The following SLC25A35 variants were observed in gnomAD, a reference collection of about 807,000 sequenced individuals.
The protein encoded by SLC25A35 is solute carrier family 25 member 35, also known as solute carrier family 25, member 35.
In SLC25A35, 32 loss-of-function variants were observed where a neutral mutation model predicts 30.5. That is an observed-to-expected ratio of 1.05 (90% CI 0.79 to 1.41). The LOEUF is 1.41. Among genes scored for constraint, SLC25A35 ranks in the 40% most tolerant of loss-of-function variants. The pLI is 0.00. For missense variants in SLC25A35, 369 were observed against 388.0 expected, an observed-to-expected ratio of 0.95 and a Z score of 0.41; for synonymous variants, 142 against 158.1, an observed-to-expected ratio of 0.90 and a Z score of 0.77.
chr17:8,290,983 G>T lies in SLC25A35; in HGVS notation c.595-7C>A. The T allele has an allele frequency of 6.2e-7, 1 of 1,613,960 alleles. No individual in the cohort carries two copies. Among genetic ancestry groups the T allele is most frequent in the South Asian group, 1.1e-5 (1 of 91,076 alleles). On this transcript the variant is annotated splice_polypyrimidine_tract_variant and splice_region_variant and intron_variant, in intron 3 of 4. Transcript: ENST00000577745. ...AGCTCTGGGGAGGAAAGATCTAAGG[G>T]GGTAGAGAGGAAGAGCGTTGTCAAC...
Position 8,294,453 on chromosome 17 carries a change from A to G in SLC25A35, c.355T>C (p.Leu119=), listed in dbSNP as rs201115414. The change falls in exon 1 of 5, where the codon TTG becomes CTG. Residue 119 remains leucine (L), a synonymous_variant. Coordinates refer to ENST00000577745, the MANE Select transcript of SLC25A35 (RefSeq NM_001320870.2). ...CTTACCATGTAGATGGGGCTCCCCA[A>G]GTAGGCTCCCATGACCCCAGCCATG... is the stretch of plus-strand genomic sequence containing the variant. The part of the protein sequence containing the change: ...GAMAGVMGAY[L]GSPIYMVKTH... The G allele has an allele frequency of 3.6e-5, 58 of 1,590,358 alleles. No individual in the cohort carries two copies. Among genetic ancestry groups the G allele is most frequent in the Admixed American group, 1.8e-4 (10 of 55,946 alleles).
Position 8,294,497 on chromosome 17 carries a change from C to G in SLC25A35, c.311G>C (p.Arg104Pro), listed in dbSNP as rs771273810. ...HTAEGTHSPA[R>P]SAAAGAMAGV... ...AGCCATGGCCCCAGCTGCTGCGCTG[C>G]GGGCAGGACTGTGGGTGCCTTCGGC... is the stretch of plus-strand genomic sequence containing the variant. The change falls in exon 1 of 5, where the codon CGC (arginine) becomes CCC (proline). Residue 104 changes from arginine to proline, a missense_variant. Transcript: ENST00000577745. 1.2e-6 allele frequency: 2 copies of G among 1,611,372 alleles called. No individual in the cohort carries two copies. The highest frequency in any genetic ancestry group is 1.7e-6 in the Non-Finnish European group (2 of 1,178,930).
At chr17:8,288,748 C>A (rs1990234507), downstream of SLC25A35, 9 of 1,610,084 alleles carry the variant, frequency 5.6e-6, no homozygotes, top group Non-Finnish European at 6.8e-6. Context: ...ATGTGGACTT[C>A]TTTTAAACCT....
intron 2 of SLC25A35, among the ~76,000 whole-genome samples, chr17:8,292,231 G>A (rs763479011): frequency 8.6e-5 from 13 of 151,794 alleles, no homozygotes; most frequent in Non-Finnish European, 1.5e-4. Flanking sequence ...GGTGGTGCAC[G>A]CCTGTAGTCC....
At chr17:8,293,588 C>G (rs112771532) in intron 1 of SLC25A35, among the ~76,000 whole-genome samples, 3,868 of 144,522 alleles carry the variant, frequency 0.027, 184 homozygotes, top group African/African-American at 0.089. Context: ...GTCTCTCTCT[C>G]TGGCCCAGGC....
In SLC25A35 at chr17:8,294,823, G is replaced by A. The variant is rs777578068; in HGVS notation, c.-16C>T. On this transcript the variant is annotated 5_prime_UTR_variant, in exon 1 of 5. Coordinates refer to ENST00000577745, the MANE Select transcript of SLC25A35 (RefSeq NM_001320870.2). ...AGAAGTCCATGGTGGGATAGCTGTA[G>A]CAGGAACTGACCCAAGAGTAAGAAA... 2 of 1,551,960 alleles carry A rather than the reference G, an allele frequency of 1.3e-6. No homozygotes were observed. The highest frequency in any genetic ancestry group is 1.4e-5 in the African/African-American group (1 of 72,772).
downstream of SLC25A35, chr17:8,289,749 A>T: frequency 6.2e-7 from 1 of 1,613,844 alleles, no homozygotes; most frequent in Non-Finnish European, 8.5e-7. Context: ...GGGAACAGGA[A>T]TTGGCAATTT....
At position 8,290,354 on chromosome 17, in the gene SLC25A35, A is replaced by G; in HGVS notation, c.*151T>C. ...GAAAGAAGGGAAACTCATCTCTTGT[A>G]GTGATTCAACCCTGAGAACAGATGG... On this transcript the variant is annotated 3_prime_UTR_variant, in exon 5 of 5. Transcript: ENST00000577745. The G allele has an allele frequency of 6.9e-7, 1 of 1,441,298 alleles. No homozygotes were observed. Among genetic ancestry groups the G allele is most frequent in the Non-Finnish European group, 9.1e-7 (1 of 1,103,086 alleles). 89.3% of individuals were successfully genotyped at this position (1,441,298 alleles called of 1,614,324 possible).
At chr17:8,293,393 A>T (rs1430343738) in intron 1 of SLC25A35, among the ~76,000 whole-genome samples, 1 of 152,134 alleles carries the variant, frequency 6.6e-6, no homozygotes, top group Non-Finnish European at 1.5e-5. Flanking sequence ...AAATGCTACC[A>T]AATGCTTACT....
At chr17:8,293,109 C>T (rs1056123757) in intron 1 of SLC25A35, among the ~76,000 whole-genome samples, 6 of 152,196 alleles carry the variant, frequency 3.9e-5, no homozygotes, top group African/African-American at 1.4e-4. Flanking sequence ...ACAGGACATA[C>T]TACTTCCCCG....
At chr17:8,293,915 C>CTTT (rs3033784) in intron 1 of SLC25A35, among the ~76,000 whole-genome samples, 1 of 132,380 alleles carries the variant, frequency 7.6e-6, no homozygotes, top group African/African-American at 2.9e-5. Context: ...AGCCCATAAT[C>CTTT]TTTTTTTTTT....
In SLC25A35 at chr17:8,291,449, G is replaced by A. The variant is rs754367366; in HGVS notation, c.478C>T (p.His160Tyr). The change falls in exon 3 of 5, where the codon CAT (histidine) becomes TAT (tyrosine). Residue 160 changes from histidine to tyrosine, a missense_variant. Transcript: ENST00000577745. ...CCACGCCATAACCCCACCAGACCATGTTTCTGGCCAATCTCGGTTAGCGCC... is the reference window on the plus strand; with the variant it reads ...CCACGCCATAACCCCACCAGACCATATTTCTGGCCAATCTCGGTTAGCGCC... ...FQALTEIGQKHGLVGLWRGAL... is the reference protein window; with the variant it reads ...FQALTEIGQKYGLVGLWRGAL... 7.4e-6 allele frequency: 12 copies of A among 1,614,088 alleles called. No individual in the cohort carries two copies. In the East Asian group the frequency reaches 2.5e-4, roughly 33 times the overall value.
downstream of SLC25A35, chr17:8,288,339 G>T: frequency 4.9e-6 from 1 of 203,434 alleles, no homozygotes; most frequent in Non-Finnish European, 1.0e-5. Flanking sequence ...CACTCAAGAG[G>T]CTGAGGCAGG....
rs1229155185 is a variant in SLC25A35 at position 8,291,364 on chromosome 17, G to C, written c.563C>G (p.Ser188Ter). 1.2e-6 allele frequency: 2 copies of C among 1,614,092 alleles called. No individual in the cohort carries two copies. The highest frequency in any genetic ancestry group is 1.7e-6 in the Non-Finnish European group (2 of 1,180,048). The change falls in exon 3 of 5, where the codon TCA becomes TGA. Residue 188 changes from serine (S) to a stop codon, truncating the protein, a stop_gained. Coordinates refer to ENST00000577745, the MANE Select transcript of SLC25A35 (RefSeq NM_001320870.2). LOFTEE classifies it high-confidence loss of function. ...VGSSTQLCTF[S>*]STKDLLSQWE... is the part of the protein sequence containing the mutation. ...CTGGCTCAGGAGGTCCTTGGTGGAT[G>C]AGAAGGTGCACAGCTGGGTGGAGGA...
chr17:8,294,927 A>G lies in SLC25A35; in HGVS notation c.-120T>C. 6.8e-7 allele frequency: 1 copy of G among 1,470,098 alleles called. No homozygotes were observed. Among genetic ancestry groups the G allele is most frequent in the Non-Finnish European group, 9.0e-7 (1 of 1,116,538 alleles). 91.1% of individuals were successfully genotyped at this position (1,470,098 alleles called of 1,614,324 possible). Reference sequence around the variant, plus strand: ...AGCAGTACAGGTTGCAGAAGATAAGAATTTAGATTTGCAGTCAAGGGTGTC... The same window carrying G: ...AGCAGTACAGGTTGCAGAAGATAAGGATTTAGATTTGCAGTCAAGGGTGTC... On this transcript the variant is annotated 5_prime_UTR_variant, in exon 1 of 5. Transcript: ENST00000577745.
At chr17:8,292,795 T>C (rs1990599788) in intron 1 of SLC25A35, among the ~76,000 whole-genome samples, 1 of 152,158 alleles carries the variant, frequency 6.6e-6, no homozygotes, top group South Asian at 2.1e-4. Context: ...CTCCCAGCAC[T>C]GCAAGACACC....
In SLC25A35 at chr17:8,294,753, G is replaced by C. The variant is rs1990751841; in HGVS notation, c.55C>G (p.Pro19Ala). The change falls in exon 1 of 5, where the codon CCC becomes GCC. Residue 19 changes from proline (P) to alanine (A), a missense_variant. Physicochemically the swap from Pro to Ala is conservative, Grantham distance 27. Coordinates refer to ENST00000577745, the MANE Select transcript of SLC25A35 (RefSeq NM_001320870.2). ...ATCCTGGTCTTCACCACCTCCAGGG[G>C]ATTGGTGAATACACAGGCCCCGCAG... ...AACGACVFTNPLEVVKTRMQL... is the reference protein window; with the variant it reads ...AACGACVFTNALEVVKTRMQL... 6.2e-7 allele frequency: 1 copy of C among 1,613,354 alleles called. No individual in the cohort carries two copies. The highest frequency in any genetic ancestry group is 8.5e-7 in the Non-Finnish European group (1 of 1,179,564).
chr17:8,290,259 CG>C lies in SLC25A35; in HGVS notation c.*245del. On this transcript the variant is annotated 3_prime_UTR_variant, in exon 5 of 5. Transcript: ENST00000577745. ...GGAGGAAATACACTTTGGGATGACTCGTTCAGCCCTGAGAGAGGGGTGTGAG... is the reference window on the plus strand; with the variant it reads ...GGAGGAAATACACTTTGGGATGACTCTTCAGCCCTGAGAGAGGGGTGTGAG... 7.0e-7 allele frequency: 1 copy of C among 1,423,582 alleles called. No homozygotes were observed. The highest frequency in any genetic ancestry group is 9.1e-7 in the Non-Finnish European group (1 of 1,094,250). The allele number at this position is 1,423,582 out of a possible 1,614,324, so 88.2% of individuals were successfully genotyped here.
rs530242203 is a variant in SLC25A35 at position 8,293,862 on chromosome 17, A to G, written c.375+571T>C. 1.5e-3 allele frequency among the ~76,000 whole-genome samples: 224 copies of G among 145,946 alleles called. 1 individual carries two copies. Among genetic ancestry groups the G allele is most frequent in the African/African-American group, 5.5e-3 (219 of 39,582 alleles). ...CACCGCGCCCGGCCAACAACTAGTA[A>G]TTTTCAAAGCCAGGATTTTAGTTCC... On this transcript the variant is annotated intron_variant, in intron 1 of 4. Transcript: ENST00000577745.
Sources: allele counts gnomAD v4.1 joint callset (sites outside exome capture counted in the v4.1 genomes callset), GRCh38; gene constraint gnomAD v4.1.1; transcripts MANE v1.5; gene names NCBI Gene and HGNC (gene_info 2026-07-23, HGNC 2026-07-21).